Variants in ARF3 observed in about 807,000 individuals in gnomAD.
The protein encoded by ARF3 is ADP-ribosylation factor 3.
In ARF3, 5 loss-of-function variants were observed where a neutral mutation model predicts 19.3. The observed-to-expected ratio is 0.26, with a 90% CI of 0.14 to 0.54. The LOEUF is 0.54. Ranked by LOEUF, ARF3 falls within the 20% of genes least tolerant of loss-of-function variation. The pLI is 0.95. For synonymous variants in ARF3, 71 were observed against 89.2 expected (o/e 0.80, Z 1.15); for missense variants, 77 against 234.2 (o/e 0.33, Z 4.38).
chr12:48,953,413 A>T (rs920417727), intron 1 of ARF3: 2 of 150,268 alleles, frequency 1.3e-5, no homozygotes, highest in African/African-American at 4.9e-5. Flanking sequence ...AGGTTTGACT[A>T]TTTTTTTTTT....
intron 1 of ARF3, among the ~76,000 whole-genome samples, chr12:48,953,746 T>C (rs1235035304): frequency 6.6e-6 from 1 of 152,252 alleles, no homozygotes; most frequent in African/African-American, 2.4e-5. Context: ...ATCCCTACTT[T>C]AGTCAGTTCT....
chr12:48,939,011 G>C lies in ARF3; in HGVS notation c.482C>G (p.Thr161Ser), dbSNP rs1290841569. Residue 161 changes from threonine to serine, a missense_variant, in exon 5 of 5, where the codon ACC (threonine) becomes AGC (serine). Thr to Ser is a moderately conservative substitution (Grantham distance 58). Coordinates refer to ENST00000256682, the MANE Select transcript of ARF3 (RefSeq NM_001659.3). This position sits in a 1 kb window ranked among gnomAD's most constrained non-coding sequence, Gnocchi z 4.8. ...GCCTTCGTACAGCCCGTCCCCGCTG[G>C]TGGCACAGGTGGCCTGAATGTACCA... ...RNWYIQATCATSGDGLYEGLD... is the reference protein window; with the variant it reads ...RNWYIQATCASSGDGLYEGLD... 1 of 1,613,472 alleles carries C rather than the reference G, an allele frequency of 6.2e-7. No homozygotes were observed. The highest frequency in any genetic ancestry group is 1.3e-5 in the African/African-American group (1 of 74,928).
At chr12:48,945,047 G>A (rs1293727221) in intron 1 of ARF3, among the ~76,000 whole-genome samples, 1 of 150,712 alleles carries the variant, frequency 6.6e-6, no homozygotes, top group African/African-American at 2.4e-5. Flanking sequence ...AGCCGAGGCA[G>A]GAGAACCGCT....
In ARF3 at chr12:48,937,300, GC is replaced by G. The variant is rs1023170713; in HGVS notation, c.*1646del. The G allele has an allele frequency of 1.3e-5, 2 of 152,256 alleles. No homozygotes were observed. Among genetic ancestry groups the G allele is most frequent in the African/African-American group, 4.8e-5 (2 of 41,454 alleles). The allele number at this position is 152,256 out of a possible 1,614,324, so 9.4% of individuals were successfully genotyped here. A position where few individuals can be genotyped will look rare whatever the true frequency, so the allele number is the denominator to read the frequency against. On this transcript the variant is annotated 3_prime_UTR_variant, in exon 5 of 5. Coordinates refer to ENST00000256682, the MANE Select transcript of ARF3 (RefSeq NM_001659.3). ...TCAGCCATGCTGTGGGGGGCCCTGG[GC>G]CCTGACCTTAGCAGGTTATGGGCAG...
In ARF3 at chr12:48,939,048, G is replaced by A. The variant is rs754594826; in HGVS notation, c.445C>T (p.Arg149Cys). ...GCCTGAATGTACCAGTTACGGTGAC[G>A]AAGGGAATGCAGGCCCAGCTTGTCT... is the stretch of plus-strand genomic sequence containing the variant. ...ITDKLGLHSL[R>C]HRNWYIQATC... Residue 149 changes from arginine (R) to cysteine (C), a missense_variant, in exon 5 of 5, where the codon CGT (arginine) becomes TGT (cysteine). Physicochemically the swap from Arg to Cys is radical, Grantham distance 180. This residue lies in a region of ARF3 where 53 missense variants were observed against 121.2 expected (regional missense o/e 0.44). Coordinates refer to ENST00000256682, the MANE Select transcript of ARF3 (RefSeq NM_001659.3). This position sits in a 1 kb window ranked among gnomAD's most constrained non-coding sequence, Gnocchi z 4.8. 14 of 1,613,950 alleles carry A rather than the reference G, an allele frequency of 8.7e-6. No individual in the cohort carries two copies. The highest frequency in any genetic ancestry group is 8.5e-6 in the Non-Finnish European group (10 of 1,180,032).
Position 48,939,505 on chromosome 12 carries a change from GA to G in ARF3, c.384+149del. Reference sequence around the variant, plus strand: ...TAAAGCTTGGGGTGGGGCACAAGAAGAGGGGCATAAAGAAGCCAAGTGCTCA... The same window carrying G: ...TAAAGCTTGGGGTGGGGCACAAGAAGGGGGCATAAAGAAGCCAAGTGCTCA... On this transcript the variant is annotated intron_variant, in intron 4 of 4. Coordinates refer to ENST00000256682, the MANE Select transcript of ARF3 (RefSeq NM_001659.3). The surrounding 1 kb of genome is among the most constrained non-coding windows in gnomAD (Gnocchi z 4.8). 1 of 1,010,768 alleles carries G rather than the reference GA, an allele frequency of 9.9e-7. No individual in the cohort carries two copies. Among genetic ancestry groups the G allele is most frequent in the East Asian group, 2.5e-5 (1 of 40,210 alleles). 62.6% of individuals were successfully genotyped at this position (1,010,768 alleles called of 1,614,324 possible).
At chr12:48,954,273 A>G (rs1357950577) in intron 1 of ARF3, among the ~76,000 whole-genome samples, 1 of 152,184 alleles carries the variant, frequency 6.6e-6, no homozygotes, top group East Asian at 1.9e-4. Flanking sequence ...GAAGCTGAAA[A>G]AAGATTTCGC....
chr12:48,943,817 TACCCCTG>T (rs752448648), intron 1 of ARF3, among the ~76,000 whole-genome samples: 12 of 152,152 alleles, frequency 7.9e-5, no homozygotes, highest in Non-Finnish European at 1.5e-4. Context: ...AGATGAGCCC[TACCCCTG>T]ACCTAGAGGG....
intron 1 of ARF3, among the ~76,000 whole-genome samples, chr12:48,954,496 C>T (rs967839543): frequency 3.9e-5 from 6 of 152,164 alleles, no homozygotes; most frequent in African/African-American, 1.2e-4. Context: ...AGGTGCTTTA[C>T]ATTTATCTCA....
intron 1 of ARF3, among the ~76,000 whole-genome samples, chr12:48,944,081 G>A (rs541772938): frequency 5.3e-5 from 8 of 152,240 alleles, no homozygotes; most frequent in Non-Finnish European, 1.0e-4. Context: ...TAGTCTTCTA[G>A]CCTTTATTCT....
At chr12:48,946,128 G>A (rs1223385139) in intron 1 of ARF3, among the ~76,000 whole-genome samples, 4 of 152,080 alleles carry the variant, frequency 2.6e-5, no homozygotes, top group Non-Finnish European at 5.9e-5. Flanking sequence ...GTATAATCTG[G>A]AGCTTGACTT....
intron 1 of ARF3, among the ~76,000 whole-genome samples, chr12:48,955,336 T>C (rs1217342736): frequency 6.6e-6 from 1 of 152,030 alleles, no homozygotes; most frequent in Non-Finnish European, 1.5e-5. Flanking sequence ...TCCTCCAAAC[T>C]CTCCAGGATC....
intron 1 of ARF3, among the ~76,000 whole-genome samples, chr12:48,949,543 T>C (rs1012535306): frequency 7.9e-5 from 12 of 151,274 alleles, no homozygotes; most frequent in Admixed American, 6.6e-4. Flanking sequence ...TTTGTTTTTA[T>C]TATTACTGTT....
At chr12:48,954,087 C>A (rs567893198) in intron 1 of ARF3, among the ~76,000 whole-genome samples, 2,216 of 152,298 alleles carry the variant, frequency 0.015, 35 homozygotes, top group Middle Eastern at 0.054. Flanking sequence ...TCAGGGTGCT[C>A]TTTTCTGGAA....
At chr12:48,940,360 T>C (rs181748997) in intron 2 of ARF3, among the ~76,000 whole-genome samples, 1 of 152,346 alleles carries the variant, frequency 6.6e-6, no homozygotes, top group Non-Finnish European at 1.5e-5. Context: ...GTGGGCCAAC[T>C]TTCCTGACTT....
At position 48,935,939 on chromosome 12, in the gene ARF3, A is replaced by C. The variant is rs1940135333; in HGVS notation, c.*3008T>G. Reference sequence around the variant, plus strand: ...CTGATTTCAGGTTTAAACCCTTTAGAACTAGAGGAGGAAAGTCACGAAGCC... The same window carrying C: ...CTGATTTCAGGTTTAAACCCTTTAGCACTAGAGGAGGAAAGTCACGAAGCC... On this transcript the variant is annotated 3_prime_UTR_variant, in exon 5 of 5. Coordinates refer to ENST00000256682, the MANE Select transcript of ARF3 (RefSeq NM_001659.3). 6.6e-6 allele frequency: 1 copy of C among 152,216 alleles called. No individual in the cohort carries two copies. The highest frequency in any genetic ancestry group is 1.5e-5 in the Non-Finnish European group (1 of 68,046). 9.4% of individuals were successfully genotyped at this position (152,216 alleles called of 1,614,324 possible).
rs1255457815 is a variant in ARF3, at chr12:48,939,645, G to A, written c.384+10C>T. ...TGTCTCCCAAATTCAGGGGTGGGAA[G>A]AAGTCTCACCTGTTTGTTTGCAAAG... is the stretch of plus-strand genomic sequence containing the variant. On this transcript the variant is annotated intron_variant, in intron 4 of 4. Coordinates refer to ENST00000256682, the MANE Select transcript of ARF3 (RefSeq NM_001659.3). The surrounding 1 kb of genome is among the most constrained non-coding windows in gnomAD (Gnocchi z 4.8). The A allele has an allele frequency of 1.2e-6, 2 of 1,614,140 alleles. No homozygotes were observed. The highest frequency in any genetic ancestry group is 1.7e-6 in the Non-Finnish European group (2 of 1,180,002).
At chr12:48,946,807 A>G (rs1286522430) in intron 1 of ARF3, among the ~76,000 whole-genome samples, 5 of 152,192 alleles carry the variant, frequency 3.3e-5, no homozygotes, top group African/African-American at 9.7e-5. Context: ...GCCTGCCTCA[A>G]TCTCCAGGTG....
chr12:48,957,286 C>T (rs79092274), intron 1 of ARF3, 24 bp downstream of exon 1: 5,709 of 153,970 alleles, frequency 0.037, 165 homozygotes, highest in Non-Finnish European at 0.056. Flanking sequence ...TACCGGGACC[C>T]GCCTTCCCTT....
Sources: allele counts gnomAD v4.1 joint callset (sites outside exome capture counted in the v4.1 genomes callset), GRCh38; gene constraint gnomAD v4.1.1; regional missense constraint gnomAD v4.1.1; non-coding constraint Gnocchi (gnomAD v3.1); transcripts MANE v1.5; gene names NCBI Gene and HGNC (gene_info 2026-07-23, HGNC 2026-07-21).